COL4A6: variants seen among roughly 807,000 people sequenced by gnomAD.
COL4A6 encodes the protein collagen type IV alpha 6 chain.
Under a neutral mutation model 126.7 loss-of-function variants are expected in COL4A6, and 59 were observed. The observed-to-expected ratio is 0.47, with a 90% CI of 0.38 to 0.58. COL4A6 has a LOEUF of 0.58. COL4A6 is among the 20% of genes least tolerant of loss of function. The pLI, the probability that COL4A6 is intolerant of heterozygous loss-of-function variation, is 0.00. For synonymous variants in COL4A6, 547 were observed against 496.6 expected (o/e 1.10, Z -1.35); for missense variants, 1,285 against 1,337.3 (o/e 0.96, Z 0.61).
rs17326780 is a variant in COL4A6, at chrX:108,224,594, C to G, written c.145-3220G>C. ...CATAGGATATGAGACAAAAAGCCTT[C>G]CCATCCATGGATGTCCTTTCATACA... is the stretch of plus-strand genomic sequence containing the variant. On this transcript the variant is annotated intron_variant, in intron 3 of 44. Coordinates refer to ENST00000334504, the MANE Select transcript of COL4A6 (RefSeq NM_033641.4). 7.7e-3 allele frequency among the ~76,000 whole-genome samples: 854 copies of G among 111,338 alleles called. 38 individuals carry two copies. The East Asian group carries it at 0.14, about 18-fold the overall frequency.
intron 3 of COL4A6, among the ~76,000 whole-genome samples, chrX:108,276,448 T>A (rs890039387): frequency 7.1e-5 from 8 of 112,801 alleles, no homozygotes; most frequent in African/African-American, 2.6e-4. Flanking sequence ...AGGCACTTTA[T>A]GTTCCAAAGA....
intron 3 of COL4A6, among the ~76,000 whole-genome samples, chrX:108,295,293 T>A (rs1428837912): frequency 1.8e-5 from 2 of 111,938 alleles, no homozygotes; most frequent in Non-Finnish European, 3.8e-5. Context: ...CCCCTTGGGC[T>A]CTATCAACAC....
rs376518602 is a variant in COL4A6 at position 108,312,929 on chromosome X, GA to G, written c.64-2102del. Among the ~76,000 whole-genome samples the G allele has an allele frequency of 9.1e-4, 96 of 105,713 alleles. 1 individual carries two copies. The highest frequency in any genetic ancestry group is 1.4e-3 in the Non-Finnish European group (73 of 50,981). 91.8% of individuals were successfully genotyped at this position (105,713 alleles called of 115,157 possible). A position where few individuals can be genotyped will look rare whatever the true frequency, so the allele number is the denominator to read the frequency against. On this transcript the variant is annotated intron_variant, in intron 2 of 44. Coordinates refer to ENST00000334504, the MANE Select transcript of COL4A6 (RefSeq NM_033641.4). ...AAGCAAGGGAACTGGATAAGACAGG[GA>G]AAAAAAAAACAATAGCAGGAGCTGA...
intron 3 of COL4A6, among the ~76,000 whole-genome samples, chrX:108,261,417 A>G (rs1388222472): frequency 9.0e-6 from 1 of 111,327 alleles, no homozygotes; most frequent in South Asian, 3.8e-4. Flanking sequence ...TCTCTGGAAG[A>G]AGTCTTAAAA....
intron 2 of COL4A6, among the ~76,000 whole-genome samples, chrX:108,427,542 C>T (rs1412174740): frequency 5.4e-5 from 6 of 111,717 alleles, no homozygotes; most frequent in African/African-American, 2.0e-4. Flanking sequence ...GTTAAGCCAA[C>T]ATCACAAGTA....
At chrX:108,185,238 G>A (rs2146249) in intron 23 of COL4A6, among the ~76,000 whole-genome samples, 5 of 109,820 alleles carry the variant, frequency 4.6e-5, no homozygotes, top group Non-Finnish European at 9.5e-5. Flanking sequence ...CTAAAAATTC[G>A]AAAATTATCC....
At chrX:108,165,514 A>G (rs2034102107) in intron 37 of COL4A6, 28 bp from the exon 38 acceptor site, 5 of 1,028,093 alleles carry the variant, frequency 4.9e-6, no homozygotes, top group East Asian at 6.2e-5. Context: ...AAGGGGCTGG[A>G]TAGGCTCTGT....
Position 108,176,850 on chromosome X carries a change from C to A in COL4A6, c.2677G>T (p.Gly893Ter). The change falls in exon 28 of 45, where the codon GGA (glycine) becomes TGA (stop). Residue 893 changes from glycine (G) to a stop codon, truncating the protein, a stop_gained. Coordinates refer to ENST00000334504, the MANE Select transcript of COL4A6 (RefSeq NM_033641.4). LOFTEE classifies it high-confidence loss of function. Reference sequence around the variant, plus strand: ...TGATCACTTCACTTACCCTTGGGTCCAGAGAGGGCTGGCAACCCAGCGACC... The same window carrying A: ...TGATCACTTCACTTACCCTTGGGTCAAGAGAGGGCTGGCAACCCAGCGACC... ...PGVAGLPALS[G>*]PKGEKGSVGF... is the part of the protein sequence containing the mutation. The A allele has an allele frequency of 8.3e-7, 1 of 1,207,298 alleles. No individual in the cohort carries two copies. Among genetic ancestry groups the A allele is most frequent in the Non-Finnish European group, 1.1e-6 (1 of 894,126 alleles).
intron 3 of COL4A6, among the ~76,000 whole-genome samples, chrX:108,257,033 G>A (rs2037025175): frequency 9.0e-6 from 1 of 111,502 alleles, no homozygotes; most frequent in Admixed American, 9.5e-5. Context: ...AAATGAGGAT[G>A]GTTATCTCTC....
chrX:108,187,098 T>C lies in COL4A6; in HGVS notation c.1949A>G (p.Lys650Arg). 8.7e-7 allele frequency: 1 copy of C among 1,151,427 alleles called. No homozygotes were observed. Among genetic ancestry groups the C allele is most frequent in the African/African-American group, 1.8e-5 (1 of 56,287 alleles). The allele number at this position is 1,151,427 out of a possible 1,213,427, so 94.9% of individuals were successfully genotyped here. Reference sequence around the variant, plus strand: ...AGCCATCTGATTCTATGACTCACCCTTAGATCCGGGAAGGCCTTGTTGTCC... The same window carrying C: ...AGCCATCTGATTCTATGACTCACCCCTAGATCCGGGAAGGCCTTGTTGTCC... ...LPGQQGLPGS[K>R]GITLPCIIPG... The change falls in exon 23 of 45, where the codon AAG (lysine) becomes AGG (arginine). Residue 650 changes from lysine (K) to arginine (R), a missense_variant and splice_region_variant. Physicochemically the swap from Lys to Arg is conservative, Grantham distance 26. Coordinates refer to ENST00000334504, the MANE Select transcript of COL4A6 (RefSeq NM_033641.4).
At chrX:108,233,525 G>C (rs1399475715) in intron 3 of COL4A6, among the ~76,000 whole-genome samples, 1 of 111,791 alleles carries the variant, frequency 8.9e-6, no homozygotes, top group African/African-American at 3.3e-5. Context: ...AGAGAACTCA[G>C]GGAGCTCTGA....
At position 108,409,825 on chromosome X, in the gene COL4A6, G is replaced by A. The variant is rs994496884; in HGVS notation, c.63+28117C>T. Among the ~76,000 whole-genome samples the A allele has an allele frequency of 6.3e-5, 7 of 111,494 alleles. No homozygotes were observed. In the East Asian group the frequency reaches 2.0e-3, roughly 32 times the overall value. ...GTGGTATTAGATGATCAAGGGTTGG[G>A]GATGGTCTTCATTTTTTCATTGAAT... On this transcript the variant is annotated intron_variant, in intron 2 of 44. Coordinates refer to ENST00000334504, the MANE Select transcript of COL4A6 (RefSeq NM_033641.4).
chrX:108,403,563 C>A (rs990433827), intron 2 of COL4A6, among the ~76,000 whole-genome samples: 1 of 110,358 alleles, frequency 9.1e-6, no homozygotes, highest in South Asian at 3.8e-4. Context: ...TTGTTTTTAA[C>A]CATTCACTGC....
At chrX:108,165,569 A>C in intron 37 of COL4A6, 83 bp from the exon 38 acceptor site, 8 of 657,735 alleles carry the variant, frequency 1.2e-5, no homozygotes, top group Non-Finnish European at 1.6e-5. Flanking sequence ...ATGGAAGCTC[A>C]CACAGAGAAA....
intron 3 of COL4A6, among the ~76,000 whole-genome samples, chrX:108,244,566 C>T (rs1369731521): frequency 6.3e-5 from 7 of 111,467 alleles, no homozygotes; most frequent in East Asian, 2.8e-4. Context: ...CACTGGGTTG[C>T]TGTAAAGATT....
chrX:108,183,870 A>C, intron 23 of COL4A6: 1 of 452,229 alleles, frequency 2.2e-6, no homozygotes, highest in Non-Finnish European at 3.2e-6. Context: ...CCACCAACCA[A>C]ATCCCTTGTC....
intron 2 of COL4A6, among the ~76,000 whole-genome samples, chrX:108,339,658 G>T (rs2039513328): frequency 9.0e-6 from 1 of 111,324 alleles, no homozygotes; most frequent in African/African-American, 3.3e-5. Flanking sequence ...TCACAGGATT[G>T]AGAGTTTACT....
chrX:108,167,440 A>T (rs1251504312), intron 37 of COL4A6, among the ~76,000 whole-genome samples: 1 of 111,203 alleles, frequency 9.0e-6, no homozygotes, highest in African/African-American at 3.3e-5. Flanking sequence ...AGGCTCAAGC[A>T]ATCCTCCCAC....
chrX:108,374,352 A>T (rs897274428), intron 2 of COL4A6, among the ~76,000 whole-genome samples: 2 of 112,010 alleles, frequency 1.8e-5, no homozygotes, highest in African/African-American at 6.5e-5. Context: ...CCACTTGAAC[A>T]ATGGGGAAAC....
Sources: gnomAD v4.1 joint callset for allele counts (sites outside exome capture counted in the v4.1 genomes callset) on GRCh38, gnomAD v4.1.1 for gene constraint, MANE v1.5 for transcripts, NCBI Gene and HGNC (gene_info 2026-07-23, HGNC 2026-07-21) for gene names.